Variants in CNTN5 observed in about 807,000 individuals in gnomAD.
The protein encoded by CNTN5 is contactin 5, also known as contactin-5.
A neutral mutation model predicts 129.1 loss-of-function variants in CNTN5; 77 were observed. The ratio of observed to expected loss-of-function variants is 0.60; its 90% CI spans 0.50 to 0.72. The LOEUF (loss-of-function observed/expected upper bound fraction) is 0.72. Ranked by LOEUF, CNTN5 falls within the 30% of genes least tolerant of loss-of-function variation. The pLI is 0.00. For missense variants in CNTN5, 1,478 were observed against 1,328.8 expected, an observed-to-expected ratio of 1.11 and a Z score of -1.75; for synonymous variants, 509 against 465.6, an observed-to-expected ratio of 1.09 and a Z score of -1.20.
At chr11:99,846,129 G>GACACACACACACACACACACACAC (rs10650307) in intron 6 of CNTN5, among the ~76,000 whole-genome samples, 4 of 144,644 alleles carry the variant, frequency 2.8e-5, no homozygotes, top group Admixed American at 7.0e-5. Context: ...TACGGACATA[G>GACACACACACACACACACACACAC]ACACACACAC....
At position 100,013,628 on chromosome 11, in the gene CNTN5, T is replaced by C. The variant is rs573134381; in HGVS notation, c.980+11492T>C. On this transcript the variant is annotated intron_variant, in intron 9 of 24. Transcript: ENST00000524871. ...GAATTTAGGCAAATTATGTATCCCA[T>C]TTGACCTGTTTCCTTATTTTGAACT... Among the ~76,000 whole-genome samples the C allele has an allele frequency of 3.9e-5, 6 of 152,300 alleles. No individual in the cohort carries two copies. In the East Asian group the frequency reaches 1.2e-3, roughly 29 times the overall value.
chr11:99,196,339 G>T lies in CNTN5; in HGVS notation c.-209-129007G>T, dbSNP rs1478238318. Among the ~76,000 whole-genome samples the T allele has an allele frequency of 2.6e-5, 4 of 151,750 alleles. No individual in the cohort carries two copies. The East Asian group carries it at 7.7e-4, about 29-fold the overall frequency. ...TATAGTTTGCATTATAAAAACAATT[G>T]TAAATATTTGTATAACTAAATCCTT... is the stretch of plus-strand genomic sequence containing the variant. On this transcript the variant is annotated intron_variant, in intron 1 of 24. Transcript: ENST00000524871.
chr11:99,714,241 G>T (rs1036214150), intron 3 of CNTN5, among the ~76,000 whole-genome samples: 1 of 151,904 alleles, frequency 6.6e-6, no homozygotes, highest in Admixed American at 6.6e-5. Flanking sequence ...ATTTTACCAA[G>T]TGGAAGCGTT....
intron 1 of CNTN5, among the ~76,000 whole-genome samples, chr11:99,123,484 T>C (rs1318300172): frequency 1.3e-5 from 2 of 152,088 alleles, no homozygotes; most frequent in East Asian, 3.9e-4. Flanking sequence ...TCTGCCATTC[T>C]GTAGGTTTTC....
At chr11:99,325,313 T>G (rs1265563499) in intron 1 of CNTN5, 33 bp from the exon 2 acceptor site, 6 of 152,100 alleles carry the variant, frequency 3.9e-5, no homozygotes, top group Admixed American at 2.6e-4. Context: ...AAGGATGATT[T>G]TTATCACAAT....
At chr11:99,908,542 A>G (rs965328601) in intron 6 of CNTN5, among the ~76,000 whole-genome samples, 1 of 152,046 alleles carries the variant, frequency 6.6e-6, no homozygotes, top group Admixed American at 6.6e-5. Flanking sequence ...AAGTAAACAA[A>G]TTAGGATTAT....
intron 1 of CNTN5, among the ~76,000 whole-genome samples, chr11:99,288,051 G>A (rs548491545): frequency 6.6e-5 from 10 of 151,996 alleles, no homozygotes; most frequent in Middle Eastern, 3.4e-3. Context: ...TGCTGCAGAT[G>A]TCTATGCTTA....
At chr11:99,026,823 T>G (rs1282359738) in intron 1 of CNTN5, among the ~76,000 whole-genome samples, 2 of 151,642 alleles carry the variant, frequency 1.3e-5, no homozygotes, top group Non-Finnish European at 3.0e-5. Context: ...TGGCTTATAC[T>G]TCATTTTAGA....
chr11:100,208,445 G>C (rs1305320129), intron 15 of CNTN5, among the ~76,000 whole-genome samples: 2 of 152,172 alleles, frequency 1.3e-5, no homozygotes, highest in Admixed American at 1.3e-4. Flanking sequence ...GCTAGCCCAG[G>C]CTTGTTCACA....
At chr11:99,915,997 T>C (rs1565673674) in intron 6 of CNTN5, 57 bp from the exon 7 acceptor site, 18 of 1,325,034 alleles carry the variant, frequency 1.4e-5, no homozygotes, top group Middle Eastern at 1.8e-4. Context: ...GTTACAATCA[T>C]AGCAATTCTT....
At chr11:99,348,196 A>G (rs1938037260) in intron 2 of CNTN5, among the ~76,000 whole-genome samples, 1 of 152,230 alleles carries the variant, frequency 6.6e-6, no homozygotes, top group South Asian at 2.1e-4. Flanking sequence ...AAAATTAGCC[A>G]GGCGTGGTGG....
At chr11:99,095,951 G>T (rs1866454083) in intron 1 of CNTN5, among the ~76,000 whole-genome samples, 1 of 151,752 alleles carries the variant, frequency 6.6e-6, no homozygotes, top group African/African-American at 2.4e-5. Context: ...CTGTTTAAGT[G>T]CATTGGTTTT....
intron 3 of CNTN5, among the ~76,000 whole-genome samples, chr11:99,797,423 C>G (rs888309829): frequency 6.6e-6 from 1 of 151,946 alleles, no homozygotes; most frequent in African/African-American, 2.4e-5. Flanking sequence ...CTTTAAGAAG[C>G]CAAAAAACGT....
rs193039953 is a variant in CNTN5 at position 99,457,912 on chromosome 11, G to A, written c.-70-98233G>A. ...CTGCAGGATTTTAGATTAATGTAAC[G>A]TATTTCATTCTTGAAATTCTTTTGT... On this transcript the variant is annotated intron_variant, in intron 2 of 24. Transcript: ENST00000524871. Among the ~76,000 whole-genome samples, 867 of 151,570 alleles carry A rather than the reference G, an allele frequency of 5.7e-3. 6 individuals carry two copies. The highest frequency in any genetic ancestry group is 9.1e-3 in the Non-Finnish European group (614 of 67,688).
intron 1 of CNTN5, among the ~76,000 whole-genome samples, chr11:99,126,764 T>A (rs1180822329): frequency 6.6e-6 from 1 of 152,218 alleles, no homozygotes; most frequent in Non-Finnish European, 1.5e-5. Flanking sequence ...CTTTAACCTT[T>A]CAAAATTCAA....
intron 3 of CNTN5, among the ~76,000 whole-genome samples, chr11:99,573,541 G>A (rs1258099246): frequency 6.6e-6 from 1 of 151,608 alleles, no homozygotes; most frequent in Non-Finnish European, 1.5e-5. Context: ...CTGCACTCCA[G>A]CCTGGGCGAC....
chr11:99,774,479 A>G (rs562341606), intron 3 of CNTN5, among the ~76,000 whole-genome samples: 2 of 139,738 alleles, frequency 1.4e-5, no homozygotes, highest in Non-Finnish European at 3.2e-5. Context: ...TTTTTTAAGA[A>G]ATTCATAGGA....
At chr11:100,042,826 A>T (rs2137688076) in intron 9 of CNTN5, among the ~76,000 whole-genome samples, 1 of 152,318 alleles carries the variant, frequency 6.6e-6, no homozygotes, top group East Asian at 1.9e-4. Flanking sequence ...AATGAATAGC[A>T]TCATCCTCGG....
intron 1 of CNTN5, among the ~76,000 whole-genome samples, chr11:99,262,183 C>A: frequency 6.6e-6 from 1 of 151,938 alleles, no homozygotes; most frequent in Non-Finnish European, 1.5e-5. Context: ...TCACCTCTAA[C>A]AGTTTTTAAC....
Sources: allele counts gnomAD v4.1 joint callset (sites outside exome capture counted in the v4.1 genomes callset), GRCh38; gene constraint gnomAD v4.1.1; transcripts MANE v1.5; gene names NCBI Gene and HGNC (gene_info 2026-07-23, HGNC 2026-07-21).